SNTG1: variants seen among roughly 807,000 people sequenced by gnomAD.
SNTG1 encodes gamma-1-syntrophin.
A neutral mutation model predicts 74.7 loss-of-function variants in SNTG1; 39 were observed. The ratio of observed to expected loss-of-function variants is 0.52; its 90% CI spans 0.40 to 0.68. SNTG1 has a LOEUF of 0.68. Among genes scored for constraint, SNTG1 ranks in the 30% least tolerant of loss-of-function variants. The pLI, the probability that SNTG1 is intolerant of heterozygous loss-of-function variation, is 0.00. For synonymous variants in SNTG1, 254 were observed against 217.1 expected (o/e 1.17, Z -1.49); for missense variants, 685 against 609.5 (o/e 1.12, Z -1.30).
chr8:50,479,473 C>G (rs1234074585), intron 8 of SNTG1, among the ~76,000 whole-genome samples: 1 of 152,106 alleles, frequency 6.6e-6, no homozygotes, highest in Non-Finnish European at 1.5e-5. Context: ...CTTCTGCTTA[C>G]TTCCCCAATG....
chr8:50,153,450 T>G (rs1270915167), intron 1 of SNTG1, among the ~76,000 whole-genome samples: 3 of 152,228 alleles, frequency 2.0e-5, no homozygotes, highest in Non-Finnish European at 4.4e-5. Flanking sequence ...GGCGAGGAGC[T>G]GTGTTCCTTT....
At chr8:50,132,873 T>C (rs1307593561) in intron 1 of SNTG1, among the ~76,000 whole-genome samples, 1 of 152,188 alleles carries the variant, frequency 6.6e-6, no homozygotes, top group Non-Finnish European at 1.5e-5. Context: ...TGGATAACTG[T>C]GTCTCTATCC....
At chr8:50,230,499 G>C (rs1250152170) in intron 2 of SNTG1, among the ~76,000 whole-genome samples, 1 of 151,220 alleles carries the variant, frequency 6.6e-6, no homozygotes, top group African/African-American at 2.4e-5. Flanking sequence ...ACCTCAACTT[G>C]TCCAATATCA....
chr8:49,968,815 A>G (rs535220058), intron 1 of SNTG1, among the ~76,000 whole-genome samples: 1 of 152,280 alleles, frequency 6.6e-6, no homozygotes, highest in East Asian at 1.9e-4. Flanking sequence ...TGTGTTCCAG[A>G]GTTCCAGAAA....
chr8:50,664,375 A>T (rs1268163446), intron 15 of SNTG1, among the ~76,000 whole-genome samples: 1 of 152,236 alleles, frequency 6.6e-6, no homozygotes, highest in East Asian at 1.9e-4. Flanking sequence ...ATATATATCA[A>T]GAATGAGAAA....
At chr8:49,944,216 C>T (rs1309718500) in intron 1 of SNTG1, among the ~76,000 whole-genome samples, 1 of 151,972 alleles carries the variant, frequency 6.6e-6, no homozygotes, top group Non-Finnish European at 1.5e-5. Flanking sequence ...GAGAAAAGGG[C>T]AGCTCCTAGG....
chr8:50,296,459 T>C (rs1396921999), intron 2 of SNTG1, among the ~76,000 whole-genome samples: 1 of 152,192 alleles, frequency 6.6e-6, no homozygotes, highest in Non-Finnish European at 1.5e-5. Context: ...TCATGTCCTT[T>C]GCAATGACAT....
intron 9 of SNTG1, among the ~76,000 whole-genome samples, chr8:50,514,154 A>C (rs2130009903): frequency 6.6e-6 from 1 of 152,294 alleles, no homozygotes; most frequent in East Asian, 1.9e-4. Context: ...TTTTCAATAA[A>C]CCAACTATTT....
At chr8:50,238,008 G>T (rs939282474) in intron 2 of SNTG1, among the ~76,000 whole-genome samples, 2 of 152,006 alleles carry the variant, frequency 1.3e-5, no homozygotes, top group Non-Finnish European at 2.9e-5. Flanking sequence ...ATCATATCCT[G>T]ATTAAAATTG....
At chr8:49,984,007 A>T (rs781000008) in intron 1 of SNTG1, among the ~76,000 whole-genome samples, 12 of 152,038 alleles carry the variant, frequency 7.9e-5, no homozygotes, top group Non-Finnish European at 1.6e-4. Flanking sequence ...TAGCCACTGT[A>T]TTTCTTACTA....
chr8:50,713,439 C>T (rs1037463599), intron 17 of SNTG1, among the ~76,000 whole-genome samples: 4 of 151,984 alleles, frequency 2.6e-5, no homozygotes, highest in Admixed American at 2.0e-4. Context: ...AAATTTTCTC[C>T]CATTCTATAG....
At chr8:49,949,940 A>G (rs1331307883) in intron 1 of SNTG1, among the ~76,000 whole-genome samples, 1 of 152,192 alleles carries the variant, frequency 6.6e-6, no homozygotes, top group Non-Finnish European at 1.5e-5. Context: ...CAGCCTGGGC[A>G]ACATGGTGAA....
chr8:50,620,749 T>C (rs918454711), intron 13 of SNTG1, among the ~76,000 whole-genome samples: 2 of 152,184 alleles, frequency 1.3e-5, no homozygotes, highest in African/African-American at 4.8e-5. Context: ...TGCTTGTATA[T>C]TAAATAAAAG....
At chr8:50,249,402 C>A (rs114480131) in intron 2 of SNTG1, among the ~76,000 whole-genome samples, 1 of 152,240 alleles carries the variant, frequency 6.6e-6, no homozygotes, top group Non-Finnish European at 1.5e-5. Flanking sequence ...CATAAGCTGG[C>A]CTCACCTCAG....
intron 13 of SNTG1, among the ~76,000 whole-genome samples, chr8:50,646,771 A>G (rs1252706167): frequency 6.6e-6 from 1 of 152,196 alleles, no homozygotes; most frequent in African/African-American, 2.4e-5. Flanking sequence ...ACCATACTGA[A>G]GTAGAAGAGC....
chr8:50,673,756 G>A (rs1235537964), intron 15 of SNTG1, among the ~76,000 whole-genome samples: 1 of 152,076 alleles, frequency 6.6e-6, no homozygotes, highest in Non-Finnish European at 1.5e-5. Context: ...TCTCATACCG[G>A]TATTCAAAGG....
intron 8 of SNTG1, among the ~76,000 whole-genome samples, chr8:50,495,874 G>C (rs1002624184): frequency 1.3e-5 from 2 of 152,114 alleles, no homozygotes; most frequent in African/African-American, 4.8e-5. Flanking sequence ...ATGGCAGGAG[G>C]ACTCCCTAAC....
At chr8:50,167,308 A>C (rs1286357037) in intron 1 of SNTG1, among the ~76,000 whole-genome samples, 1 of 148,056 alleles carries the variant, frequency 6.8e-6, no homozygotes, top group South Asian at 2.1e-4. Flanking sequence ...AAGATTAAAA[A>C]TAAAAAAAAT....
intron 1 of SNTG1, among the ~76,000 whole-genome samples, chr8:50,061,865 T>A (rs1291452493): frequency 6.6e-6 from 1 of 152,214 alleles, no homozygotes; most frequent in Non-Finnish European, 1.5e-5. Flanking sequence ...GAGATTTATT[T>A]CACGGCTGTG....
Sources: gnomAD v4.1 joint callset for allele counts (sites outside exome capture counted in the v4.1 genomes callset) on GRCh38, gnomAD v4.1.1 for gene constraint, MANE v1.5 for transcripts, NCBI Gene and HGNC (gene_info 2026-07-23, HGNC 2026-07-21) for gene names.